Variants in EZH2 observed in about 807,000 individuals in gnomAD.
The protein encoded by EZH2 is enhancer of zeste 2 polycomb repressive complex 2 subunit.
A neutral mutation model predicts 98.4 loss-of-function variants in EZH2; 18 were observed. The observed-to-expected ratio is 0.18, with a 90% CI of 0.13 to 0.27. EZH2 has a LOEUF of 0.27. Among genes scored for constraint, EZH2 ranks in the 10% least tolerant of loss-of-function variants. The pLI is 1.00. For missense variants in EZH2, 470 were observed against 935.1 expected (o/e 0.50, Z 6.49); for synonymous variants, 338 against 312.3 (o/e 1.08, Z -0.87).
At chr7:148,836,160 A>C (rs1442251018) in intron 3 of EZH2, among the ~76,000 whole-genome samples, 3 of 152,212 alleles carry the variant, frequency 2.0e-5, no homozygotes, top group Non-Finnish European at 2.9e-5. Context: ...TCTCAAAAAA[A>C]CAGTAGGCAC....
intron 3 of EZH2, among the ~76,000 whole-genome samples, chr7:148,841,787 G>A (rs1227686814): frequency 2.0e-5 from 3 of 151,946 alleles, no homozygotes; most frequent in East Asian, 1.9e-4. Context: ...AAATGCAATC[G>A]AGTGTTTACA....
At chr7:148,840,451 A>G (rs1157871460) in intron 3 of EZH2, among the ~76,000 whole-genome samples, 3 of 152,172 alleles carry the variant, frequency 2.0e-5, no homozygotes, top group African/African-American at 7.2e-5. Flanking sequence ...ACCTCCTAGT[A>G]TATATAGAAA....
At chr7:148,823,366 G>C (rs906276286) in intron 8 of EZH2, among the ~76,000 whole-genome samples, 3 of 152,162 alleles carry the variant, frequency 2.0e-5, no homozygotes, top group Admixed American at 6.5e-5. Flanking sequence ...AGTAAGTTCT[G>C]GAACCTCCTA....
At chr7:148,858,089 G>C (rs914357716) in intron 1 of EZH2, among the ~76,000 whole-genome samples, 1 of 151,656 alleles carries the variant, frequency 6.6e-6, no homozygotes, top group South Asian at 2.1e-4. Flanking sequence ...TCAGGAGATC[G>C]AGACCATTCT....
intron 4 of EZH2, among the ~76,000 whole-genome samples, chr7:148,830,911 C>CA (rs1445903992): frequency 2.6e-5 from 4 of 152,186 alleles, no homozygotes; most frequent in Admixed American, 1.3e-4. Context: ...CAAGTGAAGA[C>CA]AAGTCTAAGT....
chr7:148,872,052 T>C (rs1288361803), intron 1 of EZH2, among the ~76,000 whole-genome samples: 1 of 152,202 alleles, frequency 6.6e-6, no homozygotes, highest in Non-Finnish European at 1.5e-5. Context: ...TAACCATGAA[T>C]AGTGAATCAC....
At chr7:148,876,806 G>A (rs7783459) in intron 1 of EZH2, among the ~76,000 whole-genome samples, 26,778 of 152,064 alleles carry the variant, frequency 0.18, 2,528 homozygotes, top group East Asian at 0.25. Flanking sequence ...TCCCTTATAT[G>A]TTCTTCAGGG....
intron 1 of EZH2, among the ~76,000 whole-genome samples, chr7:148,849,719 T>C (rs976932484): frequency 1.3e-5 from 2 of 152,218 alleles, no homozygotes; most frequent in African/African-American, 2.4e-5. Flanking sequence ...TGGAGCATTA[T>C]TATTTTTTAA....
rs779840919 is a variant in EZH2, at chr7:148,814,972, C to G, written c.1614G>C (p.Ser538=). The change falls in exon 14 of 20, where the codon TCG becomes TCC. Residue 538 remains serine, a synonymous_variant. Coordinates refer to ENST00000320356, the MANE Select transcript of EZH2 (RefSeq NM_004456.5). ...CDHPRQPCDS[S]CPCVIAQNFC... ...AATTTTGTGCTATCACACAAGGGCA[C>G]GAACTGTCACAAGGCTGCCGTGGAT... 4 of 1,613,818 alleles carry G rather than the reference C, an allele frequency of 2.5e-6. No individual in the cohort carries two copies. The highest frequency in any genetic ancestry group is 3.4e-6 in the Non-Finnish European group (4 of 1,180,000).
rs1245274765 is a variant in EZH2 at position 148,850,027 on chromosome 7, C to CT, written c.-7-2723dup. Among the ~76,000 whole-genome samples the CT allele has an allele frequency of 1.2e-4, 18 of 151,148 alleles. 1 individual carries two copies. The highest frequency in any genetic ancestry group is 2.6e-4 in the Admixed American group (4 of 15,174). On this transcript the variant is annotated intron_variant, in intron 1 of 19. Coordinates refer to ENST00000320356, the MANE Select transcript of EZH2 (RefSeq NM_004456.5). ...TATAATGTGGGTGTTATTACAATTT[C>CT]TTTTTTTTTGAGATGGAGTCTCACT...
intron 1 of EZH2, among the ~76,000 whole-genome samples, chr7:148,851,681 T>C (rs1303042722): frequency 2.0e-5 from 3 of 152,170 alleles, no homozygotes; most frequent in South Asian, 2.1e-4. Context: ...CTAGGCAATA[T>C]AGTGAGACTC....
chr7:148,832,991 A>G (rs1256260601), intron 3 of EZH2, among the ~76,000 whole-genome samples: 1 of 152,204 alleles, frequency 6.6e-6, no homozygotes, highest in Non-Finnish European at 1.5e-5. Context: ...ATACTTACCA[A>G]TATCAGTAAG....
At chr7:148,868,867 A>T (rs927358293) in intron 1 of EZH2, among the ~76,000 whole-genome samples, 8 of 152,212 alleles carry the variant, frequency 5.3e-5, no homozygotes, top group Non-Finnish European at 1.0e-4. Flanking sequence ...TTTCTAGAAA[A>T]TGTGTATAGT....
In EZH2 at chr7:148,807,590, GA is replaced by G. The variant is rs1801801144; in HGVS notation, c.*55del. 1 of 1,398,086 alleles carries G rather than the reference GA, an allele frequency of 7.2e-7. No individual in the cohort carries two copies. Among genetic ancestry groups the G allele is most frequent in the Non-Finnish European group, 1.0e-6 (1 of 1,003,990 alleles). The allele number at this position is 1,398,086 out of a possible 1,614,324, so 86.6% of individuals were successfully genotyped here. Reference sequence around the variant, plus strand: ...TTTTTCTAAATTGCCCACAGTACTCGAGGTTCCTGAAGCTAAGGCAGCTGTT... The same window carrying G: ...TTTTTCTAAATTGCCCACAGTACTCGGGTTCCTGAAGCTAAGGCAGCTGTT... On this transcript the variant is annotated 3_prime_UTR_variant, in exon 20 of 20. Transcript: ENST00000320356.
chr7:148,808,133 C>T (rs1235622862), intron 19 of EZH2, among the ~76,000 whole-genome samples: 5 of 152,194 alleles, frequency 3.3e-5, no homozygotes, highest in African/African-American at 1.2e-4. Flanking sequence ...AGTTGCTCCC[C>T]CAGGTGAAGC....
chr7:148,862,897 T>G (rs763538705), intron 1 of EZH2, among the ~76,000 whole-genome samples: 2 of 149,462 alleles, frequency 1.3e-5, no homozygotes, highest in Non-Finnish European at 3.0e-5. Context: ...CCAACATGGT[T>G]TTTTTGTTTG....
In EZH2 at chr7:148,829,863, T is replaced by C; in HGVS notation, c.364-15A>G. On this transcript the variant is annotated splice_polypyrimidine_tract_variant and intron_variant, in intron 4 of 19. Coordinates refer to ENST00000320356, the MANE Select transcript of EZH2 (RefSeq NM_004456.5). ...TCATCTTCCACCTAAAAGAAAAAAA[T>C]ATATTTAAAAAGCAGGTTTACTCTA... is the stretch of plus-strand genomic sequence containing the variant. 6.5e-7 allele frequency: 1 copy of C among 1,532,162 alleles called. No individual in the cohort carries two copies. Among genetic ancestry groups the C allele is most frequent in the Non-Finnish European group, 8.8e-7 (1 of 1,131,304 alleles). 94.9% of individuals were successfully genotyped at this position (1,532,162 alleles called of 1,614,324 possible).
Position 148,818,026 on chromosome 7 carries a change from G to A in EZH2, c.1091C>T (p.Pro364Leu), listed in dbSNP as rs757601923. 3.1e-6 allele frequency: 5 copies of A among 1,613,952 alleles called. No individual in the cohort carries two copies. Among genetic ancestry groups the A allele is most frequent in the Non-Finnish European group, 4.2e-6 (5 of 1,180,028 alleles). Residue 364 changes from proline (P) to leucine (L), a missense_variant, in exon 10 of 20, where the codon CCC (proline) becomes CTC (leucine). Physicochemically the swap from Pro to Leu is moderately conservative, Grantham distance 98 (BLOSUM62 -3). Transcript: ENST00000320356. ...GGTGCTGGGCCTGCTACTGTTATTG[G>A]GAAGCCGTCCTCTTCTGCGGCCTCC... is the stretch of plus-strand genomic sequence containing the variant. The part of the protein sequence containing the change: ...RPGGRRRGRL[P>L]NNSSRPSTPT...
Position 148,807,528 on chromosome 7 carries a change from A to G in EZH2, c.*118T>C. ...ACTCATTACTATAAATTATTCTTAC[A>G]GTACTTTGCAAATTCAGAATTTCAA... On this transcript the variant is annotated 3_prime_UTR_variant, in exon 20 of 20. Coordinates refer to ENST00000320356, the MANE Select transcript of EZH2 (RefSeq NM_004456.5). 2.5e-6 allele frequency: 2 copies of G among 806,904 alleles called. No individual in the cohort carries two copies. The highest frequency in any genetic ancestry group is 3.1e-5 in the South Asian group (2 of 63,510). 50.0% of individuals were successfully genotyped at this position (806,904 alleles called of 1,614,324 possible). A position where few individuals can be genotyped will look rare whatever the true frequency, so the allele number is the denominator to read the frequency against.
Sources: gnomAD v4.1 joint callset for allele counts (sites outside exome capture counted in the v4.1 genomes callset) on GRCh38, gnomAD v4.1.1 for gene constraint, MANE v1.5 for transcripts, NCBI Gene and HGNC (gene_info 2026-07-23, HGNC 2026-07-21) for gene names.